XAGE2: variants seen among roughly 807,000 people sequenced by gnomAD.
The protein encoded by XAGE2 is G antigen family D member 3.
A neutral mutation model predicts 9.9 loss-of-function variants in XAGE2; 7 were observed. The ratio of observed to expected loss-of-function variants is 0.71; its 90% CI spans 0.40 to 1.32. The LOEUF (loss-of-function observed/expected upper bound fraction) is 1.32. Among genes scored for constraint, XAGE2 ranks in the 40% most tolerant of loss-of-function variants. XAGE2 has a pLI of 0.01. For synonymous variants in XAGE2, 31 were observed against 26.8 expected (o/e 1.16, Z -0.48); for missense variants, 85 against 81.0 (o/e 1.05, Z -0.19).
intron 4 of XAGE2, among the ~76,000 whole-genome samples, chrX:52,373,324 T>C (rs1002570792): frequency 2.7e-5 from 3 of 112,185 alleles, no homozygotes; most frequent in African/African-American, 6.5e-5. Context: ...GAGACTTGAA[T>C]GAGTGTTCTT....
chrX:52,371,627 G>A (rs1488413858), intron 3 of XAGE2, among the ~76,000 whole-genome samples: 7 of 111,540 alleles, frequency 6.3e-5, no homozygotes, highest in African/African-American at 1.3e-4. Flanking sequence ...AGCAGTTCAC[G>A]GTTAAGAGGT....
At chrX:52,369,720 T>C (rs1413003058) in intron 1 of XAGE2, among the ~76,000 whole-genome samples, 1 of 112,274 alleles carries the variant, frequency 8.9e-6, no homozygotes, top group African/African-American at 3.2e-5. Context: ...TGTATAAACT[T>C]AAATGTCTCC....
rs1005631849 is a variant in XAGE2 at position 52,374,981 on chromosome X, G to T, written c.314-588G>T. Among the ~76,000 whole-genome samples, 11 of 111,711 alleles carry T rather than the reference G, an allele frequency of 9.8e-5. No homozygotes were observed. The East Asian group carries it at 2.8e-3, about 29-fold the overall frequency. ...ACCATACCTTAATATCTACAGAAGG[G>T]TAAACTAACCCAAAGCAACATTTTT... On this transcript the variant is annotated intron_variant, in intron 4 of 4. Coordinates refer to ENST00000286049, the MANE Select transcript of XAGE2 (RefSeq NM_130777.3).
chrX:52,369,923 G>C (rs1921148697), intron 1 of XAGE2, 84 bp from the exon 2 acceptor site: 3 of 1,020,376 alleles, frequency 2.9e-6, no homozygotes, highest in Non-Finnish European at 4.1e-6. Context: ...TTTAAAAACT[G>C]AAATTTAACA....
chrX:52,369,204 G>T lies in XAGE2; in HGVS notation c.-19G>T, dbSNP rs1921130796. ...ATAGGTCCGCAGGCCAGTCCTCCCA[G>T]GAACTGAAATGTGAGTGAATGTGAG... is the stretch of plus-strand genomic sequence containing the variant. On this transcript the variant is annotated 5_prime_UTR_variant, in exon 1 of 5. It adds an upstream start codon to the 5' untranslated region. Coordinates refer to ENST00000286049, the MANE Select transcript of XAGE2 (RefSeq NM_130777.3). The T allele has an allele frequency of 8.9e-6, 1 of 111,769 alleles. No homozygotes were observed. The highest frequency in any genetic ancestry group is 3.8e-4 in the South Asian group (1 of 2,603). 9.2% of individuals were successfully genotyped at this position (111,769 alleles called of 1,213,427 possible). A position where few individuals can be genotyped will look rare whatever the true frequency, so the allele number is the denominator to read the frequency against.
chrX:52,371,866 A>T (rs892740528), intron 3 of XAGE2, among the ~76,000 whole-genome samples: 1 of 112,013 alleles, frequency 8.9e-6, no homozygotes, highest in Non-Finnish European at 1.9e-5. Context: ...CACAATTGTA[A>T]GTTTTTGTCA....
chrX:52,370,273 T>A (rs1043227817), intron 2 of XAGE2, among the ~76,000 whole-genome samples, 178 bp downstream of exon 2: 1 of 112,441 alleles, frequency 8.9e-6, no homozygotes, highest in Non-Finnish European at 1.9e-5. Context: ...TCATGGATAA[T>A]CTTGTGTTCC....
chrX:52,370,666 A>G lies in XAGE2; in HGVS notation c.181A>G (p.Ile61Val). Residue 61 changes from isoleucine (I) to valine (V), a missense_variant, in exon 3 of 5, where the codon ATT becomes GTT. By Grantham distance (29) the Ile-to-Val change is conservative. Coordinates refer to ENST00000286049, the MANE Select transcript of XAGE2 (RefSeq NM_130777.3). ...AGAAGATGATCAGGGTGCAGCTGAGATTCAAGGTGCTGGGAAAGGAAAGAA... is the reference window on the plus strand; with the variant it reads ...AGAAGATGATCAGGGTGCAGCTGAGGTTCAAGGTGCTGGGAAAGGAAAGAA... Reference protein sequence around the residue: ...KREDDQGAAEIQVPDLEADLQ... With the variant: ...KREDDQGAAEVQVPDLEADLQ... The G allele has an allele frequency of 8.3e-7, 1 of 1,210,162 alleles. No individual in the cohort carries two copies. The highest frequency in any genetic ancestry group is 1.7e-5 in the African/African-American group (1 of 57,648).
chrX:52,370,184 G>A, intron 2 of XAGE2, 89 bp downstream of exon 2: 3 of 898,824 alleles, frequency 3.3e-6, no homozygotes, highest in East Asian at 3.1e-5. Flanking sequence ...ACTGATAAAG[G>A]TCTTCCATGT....
chrX:52,370,538 G>A (rs1422143095), intron 2 of XAGE2, 29 bp from the exon 3 acceptor site: 16 of 1,162,377 alleles, frequency 1.4e-5, no homozygotes, highest in Non-Finnish European at 1.9e-5. Flanking sequence ...CTTTTTATCT[G>A]CACACATACT....
rs1488221913 is a variant in XAGE2 at position 52,375,612 on chromosome X, C to T, written c.*21C>T. ...TTTAAAGGAAGATAAGCTGAAACAA[C>T]ACAAACTGTTTTTATATTAGATATT... On this transcript the variant is annotated 3_prime_UTR_variant, in exon 5 of 5. Coordinates refer to ENST00000286049, the MANE Select transcript of XAGE2 (RefSeq NM_130777.3). The T allele has an allele frequency of 1.4e-5, 16 of 1,183,825 alleles. No homozygotes were observed. Among genetic ancestry groups the T allele is most frequent in the South Asian group, 3.7e-5 (2 of 54,033 alleles).
chrX:52,370,761 A>G (rs1323394276), intron 3 of XAGE2, 89 bp downstream of exon 3: 4 of 888,570 alleles, frequency 4.5e-6, no homozygotes, highest in African/African-American at 2.0e-5. Flanking sequence ...AATAGGAGGA[A>G]AGAAAACATT....
intron 4 of XAGE2, among the ~76,000 whole-genome samples, chrX:52,373,135 G>T (rs914000199): frequency 6.2e-5 from 7 of 112,126 alleles, no homozygotes; most frequent in Non-Finnish European, 1.1e-4. Context: ...ATTAAAATCC[G>T]TTTCAATGCT....
In XAGE2 at chrX:52,370,043, G is replaced by A. The variant is rs1387076543; in HGVS notation, c.29G>A (p.Arg10Lys). Residue 10 changes from arginine (R) to lysine (K), a missense_variant, in exon 2 of 5, where the codon AGG becomes AAG. Transcript: ENST00000286049. MSWRGRSTY[R>K]PRPRRSLQPP... ...AGTTGGCGAGGAAGATCAACATATA[G>A]GCCTAGGCCAAGAAGAAGTTTACAG... The A allele has an allele frequency of 8.3e-7, 1 of 1,211,086 alleles. No homozygotes were observed. Among genetic ancestry groups the A allele is most frequent in the African/African-American group, 1.7e-5 (1 of 57,573 alleles).
At chrX:52,370,241 G>C in intron 2 of XAGE2, 146 bp downstream of exon 2, 3 of 670,291 alleles carry the variant, frequency 4.5e-6, no homozygotes, top group Non-Finnish European at 7.0e-6. Flanking sequence ...TAATCCAAGA[G>C]TATTACAATC....
intron 2 of XAGE2, 100 bp from the exon 3 acceptor site, chrX:52,370,467 G>A: frequency 2.7e-6 from 2 of 727,801 alleles, no homozygotes. Flanking sequence ...AGACTTACTT[G>A]TGATTAGAAA....
Position 52,369,177 on chromosome X carries a change from C to G in XAGE2, c.-46C>G, listed in dbSNP as rs1182569291. 2 of 111,516 alleles carry G rather than the reference C, an allele frequency of 1.8e-5. No individual in the cohort carries two copies. The highest frequency in any genetic ancestry group is 6.6e-5 in the African/African-American group (2 of 30,525). 9.2% of individuals were successfully genotyped at this position (111,516 alleles called of 1,213,427 possible). On this transcript the variant is annotated 5_prime_UTR_variant, in exon 1 of 5. Coordinates refer to ENST00000286049, the MANE Select transcript of XAGE2 (RefSeq NM_130777.3). ...TCTTTCTCTCCTACTGAGACGCAGCCTATAGGTCCGCAGGCCAGTCCTCCC... is the reference window on the plus strand; with the variant it reads ...TCTTTCTCTCCTACTGAGACGCAGCGTATAGGTCCGCAGGCCAGTCCTCCC...
chrX:52,375,403 C>G (rs1161193696), intron 4 of XAGE2, among the ~76,000 whole-genome samples, 166 bp from the exon 5 acceptor site: 2 of 111,589 alleles, frequency 1.8e-5, no homozygotes, highest in Non-Finnish European at 3.8e-5. Context: ...AGTTTATCTC[C>G]AAAGTCTCCA....
chrX:52,374,407 AT>A (rs1921264082), intron 4 of XAGE2, among the ~76,000 whole-genome samples: 1 of 110,717 alleles, frequency 9.0e-6, no homozygotes, highest in Admixed American at 9.6e-5. Context: ...TATTTTTTGT[AT>A]TTTTAGTAGA....
Sources: allele counts gnomAD v4.1 joint callset (sites outside exome capture counted in the v4.1 genomes callset), GRCh38; gene constraint gnomAD v4.1.1; transcripts MANE v1.5; gene names NCBI Gene and HGNC (gene_info 2026-07-23, HGNC 2026-07-21).